The following PITPNC1 variants were observed in gnomAD, a reference collection of about 807,000 sequenced individuals.
The protein encoded by PITPNC1 is cytoplasmic phosphatidylinositol transfer protein 1.
Under a neutral mutation model 44.7 loss-of-function variants are expected in PITPNC1, and 18 were observed. The ratio of observed to expected loss-of-function variants is 0.40; its 90% CI spans 0.28 to 0.60. The LOEUF (loss-of-function observed/expected upper bound fraction) is 0.60. Among genes scored for constraint, PITPNC1 ranks in the 20% least tolerant of loss-of-function variants. PITPNC1 has a pLI of 0.39. For missense variants in PITPNC1, 290 were observed against 418.4 expected (o/e 0.69, Z 2.68); for synonymous variants, 141 against 149.6 (o/e 0.94, Z 0.42).
intron 1 of PITPNC1, among the ~76,000 whole-genome samples, chr17:67,440,939 T>G (rs1738662320): frequency 6.6e-6 from 1 of 152,078 alleles, no homozygotes; most frequent in South Asian, 2.1e-4. Context: ...AACAACAGCT[T>G]TAAATATTAT....
intron 1 of PITPNC1, among the ~76,000 whole-genome samples, chr17:67,393,320 C>G (rs2038166829): frequency 6.6e-6 from 1 of 152,060 alleles, no homozygotes; most frequent in Non-Finnish European, 1.5e-5. Context: ...AACCCTAAAT[C>G]CCTATTTCTC....
chr17:67,654,445 C>G (rs543650726), intron 6 of PITPNC1, among the ~76,000 whole-genome samples: 17 of 152,328 alleles, frequency 1.1e-4, no homozygotes, highest in Admixed American at 9.1e-4. Context: ...GACATTCCCA[C>G]TGCCTTTCTT....
intron 1 of PITPNC1, among the ~76,000 whole-genome samples, chr17:67,462,521 C>T (rs546543557): frequency 6.6e-5 from 10 of 151,910 alleles, no homozygotes; most frequent in South Asian, 2.1e-4. Flanking sequence ...CGTGAGCCAC[C>T]GTGCCTGGCT....
intron 2 of PITPNC1, among the ~76,000 whole-genome samples, chr17:67,548,894 C>T (rs570550800): frequency 6.6e-6 from 1 of 152,110 alleles, no homozygotes; most frequent in African/African-American, 2.4e-5. Flanking sequence ...TGACAGTATA[C>T]ATCATGAAAG....
At chr17:67,497,366 A>AC (rs1262596967) in intron 1 of PITPNC1, among the ~76,000 whole-genome samples, 4 of 151,584 alleles carry the variant, frequency 2.6e-5, no homozygotes, top group Non-Finnish European at 5.9e-5. Context: ...AATGGAAGTC[A>AC]CCCTGTGCAG....
intron 1 of PITPNC1, among the ~76,000 whole-genome samples, chr17:67,431,837 CCTTT>C (rs1267457454): frequency 1.3e-5 from 2 of 152,186 alleles, no homozygotes; most frequent in Admixed American, 6.5e-5. Flanking sequence ...AACTTTTCTT[CCTTT>C]GTCTTAATGT....
chr17:67,452,158 AC>A (rs1315991806), intron 1 of PITPNC1, among the ~76,000 whole-genome samples: 2 of 151,740 alleles, frequency 1.3e-5, no homozygotes, highest in Non-Finnish European at 2.9e-5. Flanking sequence ...GGCACATGCC[AC>A]CACACCTGGC....
intron 6 of PITPNC1, among the ~76,000 whole-genome samples, chr17:67,633,923 G>A (rs2042000494): frequency 6.6e-6 from 1 of 152,238 alleles, no homozygotes; most frequent in African/African-American, 2.4e-5. Flanking sequence ...GCTTTGGCGT[G>A]GCTCTGCCTG....
chr17:67,407,700 A>G (rs2038420463), intron 1 of PITPNC1, among the ~76,000 whole-genome samples: 1 of 151,836 alleles, frequency 6.6e-6, no homozygotes, highest in Admixed American at 6.6e-5. Flanking sequence ...TGAGGCATCA[A>G]CCTGAATCGC....
At chr17:67,568,452 T>G (rs1158163485) in intron 4 of PITPNC1, among the ~76,000 whole-genome samples, 1 of 152,240 alleles carries the variant, frequency 6.6e-6, no homozygotes, top group Non-Finnish European at 1.5e-5. Context: ...CTGAATATAC[T>G]GAACACCATT....
At chr17:67,393,123 C>A (rs1249447425) in intron 1 of PITPNC1, among the ~76,000 whole-genome samples, 7 of 150,088 alleles carry the variant, frequency 4.7e-5, no homozygotes, top group African/African-American at 1.7e-4. Flanking sequence ...GAGCAAGACT[C>A]CACCTCAAAA....
At chr17:67,586,571 G>A (rs2041320545) in intron 5 of PITPNC1, among the ~76,000 whole-genome samples, 1 of 152,014 alleles carries the variant, frequency 6.6e-6, no homozygotes, top group Admixed American at 6.6e-5. Context: ...CTCCAGCCGG[G>A]GTGACAAGAG....
chr17:67,535,499 T>G (rs900027097), intron 2 of PITPNC1, among the ~76,000 whole-genome samples: 1 of 152,228 alleles, frequency 6.6e-6, no homozygotes, highest in African/African-American at 2.4e-5. Flanking sequence ...CTTTGTAAGT[T>G]TTGCTGAAAC....
intron 6 of PITPNC1, among the ~76,000 whole-genome samples, chr17:67,656,235 G>A (rs2042266308): frequency 6.6e-6 from 1 of 152,170 alleles, no homozygotes; most frequent in Non-Finnish European, 1.5e-5. Flanking sequence ...CAGTTCTGGA[G>A]GCCGGAAGTC....
intron 2 of PITPNC1, among the ~76,000 whole-genome samples, chr17:67,543,916 T>C (rs2144148788): frequency 6.6e-6 from 1 of 152,328 alleles, no homozygotes; most frequent in Admixed American, 6.5e-5. Flanking sequence ...GGTGCTGTAA[T>C]CTTGGCTCAC....
intron 1 of PITPNC1, among the ~76,000 whole-genome samples, chr17:67,452,497 A>C (rs1324809327): frequency 6.7e-6 from 1 of 150,174 alleles, no homozygotes; most frequent in Non-Finnish European, 1.5e-5. Flanking sequence ...AAGATACTTT[A>C]AGGAGTGGAA....
At chr17:67,495,924 A>T (rs2039946737) in intron 1 of PITPNC1, among the ~76,000 whole-genome samples, 1 of 152,244 alleles carries the variant, frequency 6.6e-6, no homozygotes, top group African/African-American at 2.4e-5. Flanking sequence ...AAAGACGTTA[A>T]TCCATTAATT....
rs535377746 is a variant in PITPNC1 at position 67,577,539 on chromosome 17, C to T, written c.295-647C>T. Reference sequence around the variant, plus strand: ...CCACACCACTGCACTCCAGCCTGGGCGACAGAGCAAGACCCTGTCTCAAAA... The same window carrying T: ...CCACACCACTGCACTCCAGCCTGGGTGACAGAGCAAGACCCTGTCTCAAAA... On this transcript the variant is annotated intron_variant, in intron 4 of 8. Coordinates refer to ENST00000581322, the MANE Select transcript of PITPNC1 (RefSeq NM_012417.4). 4.7e-5 allele frequency among the ~76,000 whole-genome samples: 7 copies of T among 149,102 alleles called. No individual in the cohort carries two copies. In the East Asian group the frequency reaches 9.8e-4, roughly 21 times the overall value.
intron 1 of PITPNC1, among the ~76,000 whole-genome samples, chr17:67,388,428 T>C (rs1317043029): frequency 6.6e-6 from 1 of 150,944 alleles, no homozygotes; most frequent in Non-Finnish European, 1.5e-5. Flanking sequence ...TTCAAGTGAT[T>C]CTCCTGCCTC....
Sources: gnomAD v4.1 joint callset for allele counts (sites outside exome capture counted in the v4.1 genomes callset) on GRCh38, gnomAD v4.1.1 for gene constraint, MANE v1.5 for transcripts, NCBI Gene and HGNC (gene_info 2026-07-23, HGNC 2026-07-21) for gene names.